ANKRD24: variants seen among roughly 807,000 people sequenced by gnomAD.
ANKRD24 encodes ankyrin repeat domain 24.
In ANKRD24, 109 loss-of-function variants were observed where a neutral mutation model predicts 127.8. That is an observed-to-expected ratio of 0.85 (90% CI 0.73 to 1.00). The LOEUF is 1.00. Ranked by LOEUF, ANKRD24 falls within the 50% of genes least tolerant of loss-of-function variation. The probability of loss-of-function intolerance (pLI) is 0.00; values close to 1 mark genes in which losing one functional copy is unlikely to be tolerated. For missense variants in ANKRD24, 1,648 were observed against 1,570.2 expected (o/e 1.05, Z -0.84); for synonymous variants, 743 against 671.1 (o/e 1.11, Z -1.66).
rs113358923 is a variant in ANKRD24 at position 4,195,766 on chromosome 19, T to C, written c.37-3917T>C. ...AAAATTCGCTAGGCGTGGTGGCGTG[T>C]GCCTGTAATCCCAGCTACTCGGGAA... is the stretch of plus-strand genomic sequence containing the variant. On this transcript the variant is annotated intron_variant, in intron 2 of 21. Coordinates refer to ENST00000318934, the MANE Select transcript of ANKRD24 (RefSeq NM_001393985.1). The surrounding 1 kb of genome is among the most constrained non-coding windows in gnomAD (Gnocchi z 4.2). 0.025 allele frequency among the ~76,000 whole-genome samples: 3,866 copies of C among 152,176 alleles called. 165 individuals carry two copies. The highest frequency in any genetic ancestry group is 0.088 in the African/African-American group (3,648 of 41,534).
In ANKRD24 at chr19:4,217,756, C is replaced by G; in HGVS notation, c.2596C>G (p.Gln866Glu). 7.7e-7 allele frequency: 1 copy of G among 1,299,442 alleles called. No individual in the cohort carries two copies. Among genetic ancestry groups the G allele is most frequent in the Non-Finnish European group, 9.7e-7 (1 of 1,027,664 alleles). 80.5% of individuals were successfully genotyped at this position (1,299,442 alleles called of 1,614,324 possible). The change falls in exon 18 of 22, where the codon CAG becomes GAG. Residue 866 changes from glutamine (Q) to glutamate (E), a missense_variant. Physicochemically the swap from Gln to Glu is conservative, Grantham distance 29 (BLOSUM62 2). Coordinates refer to ENST00000318934, the MANE Select transcript of ANKRD24 (RefSeq NM_001393985.1). ...GGCCACGGCCAGGGCCACGGGGGAG[C>G]AGCAGCGCACGGCGGCCGCGGAACT... The part of the protein sequence containing the change: ...QLATARATGE[Q>E]QRTAAAELGR...
At chr19:4,187,215 C>T (rs556170080) in intron 2 of ANKRD24, among the ~76,000 whole-genome samples, 22 of 152,090 alleles carry the variant, frequency 1.4e-4, no homozygotes, top group Non-Finnish European at 2.6e-4. Context: ...GAGTTCAAGA[C>T]GAGCCTGGCC....
chr19:4,201,425 T>C (rs1235547373), intron 5 of ANKRD24, among the ~76,000 whole-genome samples: 3 of 152,016 alleles, frequency 2.0e-5, no homozygotes, highest in Non-Finnish European at 4.4e-5. Flanking sequence ...GCTGAAACTT[T>C]GGTGTAGTGG....
chr19:4,193,665 C>T (rs889964484), intron 2 of ANKRD24, among the ~76,000 whole-genome samples: 2 of 151,696 alleles, frequency 1.3e-5, no homozygotes, highest in African/African-American at 2.4e-5. Flanking sequence ...GGTGATACCC[C>T]GTCTCTACTA....
rs148952038 is a variant in ANKRD24 at position 4,212,228 on chromosome 19, A to G, written c.1060-247A>G. 2.4e-4 allele frequency among the ~76,000 whole-genome samples: 36 copies of G among 152,212 alleles called. No homozygotes were observed. The East Asian group carries it at 6.8e-3, about 29-fold the overall frequency. ...AAAAAAGATAAATAAATAAATAAAT[A>G]GGAATGAATGAGGCTCAACATACAG... On this transcript the variant is annotated intron_variant, in intron 13 of 21. Transcript: ENST00000318934.
intron 1 of ANKRD24, among the ~76,000 whole-genome samples, chr19:4,184,375 C>T (rs1165518655): frequency 1.3e-5 from 2 of 152,158 alleles, no homozygotes; most frequent in African/African-American, 2.4e-5. Context: ...GCCCCTGAGC[C>T]CTTGTATGTG....
At position 4,216,836 on chromosome 19, in the gene ANKRD24, C is replaced by T. The variant is rs1414794275; in HGVS notation, c.1676C>T (p.Ala559Val). The change falls in exon 18 of 22, where the codon GCC becomes GTC. Residue 559 changes from alanine (A) to valine (V), a missense_variant. Physicochemically the swap from Ala to Val is moderately conservative, Grantham distance 64 (BLOSUM62 0). Coordinates refer to ENST00000318934, the MANE Select transcript of ANKRD24 (RefSeq NM_001393985.1). ...SVAPETKVNG[A>V]ETIDEEAAGD... ...GCTCCAGAAACCAAAGTTAACGGAG[C>T]CGAGACCATAGATGAGGAGGCTGCA... 1.2e-6 allele frequency: 2 copies of T among 1,609,884 alleles called. No homozygotes were observed. Among genetic ancestry groups the T allele is most frequent in the African/African-American group, 2.7e-5 (2 of 74,786 alleles).
rs559370948 is a variant in ANKRD24, at chr19:4,224,031, C to T, written c.3298-96C>T. 300 of 916,640 alleles carry T rather than the reference C, an allele frequency of 3.3e-4. 1 individual carries two copies. The South Asian group carries it at 4.4e-3, about 13-fold the overall frequency. The allele number at this position is 916,640 out of a possible 1,614,324, so 56.8% of individuals were successfully genotyped here. A position where few individuals can be genotyped will look rare whatever the true frequency, so the allele number is the denominator to read the frequency against. ...TCATATTTTAGCAGTCGGCCATCAACGTACAGGCTTGGGGTGCAAAGGGTG... is the reference window on the plus strand; with the variant it reads ...TCATATTTTAGCAGTCGGCCATCAATGTACAGGCTTGGGGTGCAAAGGGTG... On this transcript the variant is annotated intron_variant, in intron 20 of 21. Transcript: ENST00000318934.
At chr19:4,193,752 A>C (rs1311312360) in intron 2 of ANKRD24, among the ~76,000 whole-genome samples, 4 of 149,144 alleles carry the variant, frequency 2.7e-5, no homozygotes, top group African/African-American at 9.8e-5. Flanking sequence ...CATGAGAATC[A>C]CTTGAAGCCG....
chr19:4,221,410 G>C (rs987893329), intron 19 of ANKRD24, among the ~76,000 whole-genome samples: 1 of 151,546 alleles, frequency 6.6e-6, no homozygotes, highest in Non-Finnish European at 1.5e-5. Context: ...TGTTTGTTTG[G>C]TAAGAGATGG....
chr19:4,199,735 C>A lies in ANKRD24; in HGVS notation c.89C>A (p.Pro30His). The change falls in exon 3 of 22, where the codon CCC (proline) becomes CAC (histidine). Residue 30 changes from proline to histidine, a missense_variant. By Grantham distance (77) the Pro-to-His change is moderately conservative. Transcript: ENST00000318934. This position sits in a 1 kb window ranked among gnomAD's most constrained non-coding sequence, Gnocchi z 5.2. Reference sequence around the variant, plus strand: ...TCCTGCCCGCCCTGCGGCCCCTGCCCCATCCCGAAGCCGGCAGCCAGAGGC... The same window carrying A: ...TCCTGCCCGCCCTGCGGCCCCTGCCACATCCCGAAGCCGGCAGCCAGAGGC... Reference protein sequence around the residue: ...LGSCPPCGPCPIPKPAARGRR... With the variant: ...LGSCPPCGPCHIPKPAARGRR... The A allele has an allele frequency of 6.5e-7, 1 of 1,538,422 alleles. No homozygotes were observed.
chr19:4,209,865 A>G (rs1599440076), intron 11 of ANKRD24, among the ~76,000 whole-genome samples, 193 bp from the exon 12 acceptor site: 1 of 152,226 alleles, frequency 6.6e-6, no homozygotes, highest in East Asian at 1.9e-4. Context: ...AAAGAGTAAG[A>G]TCTGGAACTT....
chr19:4,222,782 A>G lies in ANKRD24; in HGVS notation c.3284A>G (p.Gln1095Arg), dbSNP rs1242637206. ...CTCCGTGACCAGGTGAAGGATTTACAGCAGCAGCTGCAGGTAAGGACTGGG... is the reference window on the plus strand; with the variant it reads ...CTCCGTGACCAGGTGAAGGATTTACGGCAGCAGCTGCAGGTAAGGACTGGG... Reference protein sequence around the residue: ...EALRDQVKDLQQQLQEAARDH... With the variant: ...EALRDQVKDLRQQLQEAARDH... The change falls in exon 20 of 22, where the codon CAG (glutamine) becomes CGG (arginine). Residue 1095 changes from glutamine (Q) to arginine (R), a missense_variant. By Grantham distance (43) the Gln-to-Arg change is conservative. Transcript: ENST00000318934. The G allele has an allele frequency of 2.5e-6, 4 of 1,608,742 alleles. No homozygotes were observed. Among genetic ancestry groups the G allele is most frequent in the Non-Finnish European group, 2.6e-6 (3 of 1,176,170 alleles).
Position 4,198,122 on chromosome 19 carries a change from C to A in ANKRD24, c.37-1561C>A. ...GACTCGGAGGAGGTGGAGATGGACG[C>A]CCGCGGGTCCCCTGGAGATGCAGCC... is the stretch of plus-strand genomic sequence containing the variant. On this transcript the variant is annotated intron_variant, in intron 2 of 21. Coordinates refer to ENST00000318934, the MANE Select transcript of ANKRD24 (RefSeq NM_001393985.1). This position sits in a 1 kb window ranked among gnomAD's most constrained non-coding sequence, Gnocchi z 6.1. 2.0e-6 allele frequency: 1 copy of A among 498,584 alleles called. No individual in the cohort carries two copies. The highest frequency in any genetic ancestry group is 3.5e-6 in the Non-Finnish European group (1 of 282,764). 30.9% of individuals were successfully genotyped at this position (498,584 alleles called of 1,614,324 possible).
intron 19 of ANKRD24, among the ~76,000 whole-genome samples, chr19:4,221,381 TTTTGTTTGTTTG>T (rs79520023): frequency 2.4e-4 from 37 of 151,534 alleles, no homozygotes; most frequent in African/African-American, 8.5e-4. Context: ...TTTTTTTTGC[TTTTGTTTGTTTG>T]TTTGTTTGTT....
Position 4,216,677 on chromosome 19 carries a change from C to T in ANKRD24, c.1517C>T (p.Ala506Val). The T allele has an allele frequency of 6.3e-7, 1 of 1,590,652 alleles. No homozygotes were observed. Among genetic ancestry groups the T allele is most frequent in the Non-Finnish European group, 8.6e-7 (1 of 1,168,832 alleles). The change falls in exon 18 of 22, where the codon GCC (alanine) becomes GTC (valine). Residue 506 changes from alanine to valine, a missense_variant. Coordinates refer to ENST00000318934, the MANE Select transcript of ANKRD24 (RefSeq NM_001393985.1). ...CAGCTACGCAGGCAGCACGCTGAGG[C>T]CCTGCAGGCCCTGAGGCAGCAGGAG... ...FDQLRRQHAEALQALRQQETR... is the reference protein window; with the variant it reads ...FDQLRRQHAEVLQALRQQETR...
intron 13 of ANKRD24, among the ~76,000 whole-genome samples, chr19:4,211,927 G>A (rs1239608412): frequency 2.0e-5 from 3 of 151,992 alleles, no homozygotes; most frequent in Non-Finnish European, 4.4e-5. Context: ...GAGGCCGGGC[G>A]CGGTGGCTCA....
intron 5 of ANKRD24, among the ~76,000 whole-genome samples, chr19:4,200,947 G>T (rs1969064250): frequency 1.3e-5 from 2 of 152,172 alleles, no homozygotes; most frequent in African/African-American, 4.8e-5. Flanking sequence ...GATAAAGGAA[G>T]TGACTGAAGG....
intron 11 of ANKRD24, 121 bp from the exon 12 acceptor site, chr19:4,209,935 TGC>T (rs1969611770): frequency 2.1e-3 from 87 of 40,700 alleles, no homozygotes; most frequent in Non-Finnish European, 4.5e-4. Flanking sequence ...AGGCAGGGGC[TGC>T]TGGTTCCATG....
Sources: allele counts gnomAD v4.1 joint callset (sites outside exome capture counted in the v4.1 genomes callset), GRCh38; gene constraint gnomAD v4.1.1; non-coding constraint Gnocchi (gnomAD v3.1); transcripts MANE v1.5; gene names NCBI Gene and HGNC (gene_info 2026-07-23, HGNC 2026-07-21).